The following GABRA3 variants were observed in gnomAD, a reference collection of about 807,000 sequenced individuals.
GABRA3 encodes gamma-aminobutyric acid type A receptor subunit alpha3.
In GABRA3, 10 loss-of-function variants were observed where a neutral mutation model predicts 30.1. The observed-to-expected ratio is 0.33, with a 90% CI of 0.20 to 0.56. GABRA3 has a LOEUF of 0.56. GABRA3 is among the 20% of genes least tolerant of loss of function. The pLI is 0.89. For synonymous variants in GABRA3, 151 were observed against 146.8 expected (o/e 1.03, Z -0.21); for missense variants, 233 against 392.0 (o/e 0.59, Z 3.42).
chrX:152,415,308 A>G (rs758797620), intron 1 of GABRA3, among the ~76,000 whole-genome samples: 59 of 111,279 alleles, frequency 5.3e-4, no homozygotes, highest in African/African-American at 1.9e-3. Flanking sequence ...TTTTCTGTAA[A>G]CCTAAAACTA....
At chrX:152,184,732 TCTGA>T (rs1293853073) in intron 9 of GABRA3, among the ~76,000 whole-genome samples, 1 of 111,651 alleles carries the variant, frequency 9.0e-6, no homozygotes, top group Non-Finnish European at 1.9e-5. Flanking sequence ...ATATCTCTTG[TCTGA>T]CTGACATCCC....
chrX:152,231,562 A>G (rs1938081172), intron 5 of GABRA3, among the ~76,000 whole-genome samples: 1 of 111,336 alleles, frequency 9.0e-6, no homozygotes, highest in African/African-American at 3.2e-5. Context: ...ATTATGGTGG[A>G]TGGAAATCAC....
chrX:152,296,400 C>T (rs984568323), intron 3 of GABRA3, among the ~76,000 whole-genome samples: 1 of 111,929 alleles, frequency 8.9e-6, no homozygotes, highest in Non-Finnish European at 1.9e-5. Flanking sequence ...TATAAGTACT[C>T]ATTAATTTCC....
chrX:152,417,468 G>A (rs1034095375), intron 1 of GABRA3, among the ~76,000 whole-genome samples: 1 of 108,765 alleles, frequency 9.2e-6, no homozygotes. Context: ...TCAGTGTGGC[G>A]ATTCCTCAGG....
At chrX:152,366,607 A>G (rs1928667757) in intron 1 of GABRA3, among the ~76,000 whole-genome samples, 1 of 112,526 alleles carries the variant, frequency 8.9e-6, no homozygotes, top group Non-Finnish European at 1.9e-5. Flanking sequence ...TACATAAAAA[A>G]GACAACAGCA....
intron 4 of GABRA3, among the ~76,000 whole-genome samples, chrX:152,272,287 C>G (rs191333075): frequency 1.8e-5 from 2 of 112,468 alleles, no homozygotes; most frequent in African/African-American, 6.5e-5. Context: ...GGGAGCCCAC[C>G]TCTTGCATCG....
intron 1 of GABRA3, among the ~76,000 whole-genome samples, chrX:152,447,385 G>A (rs974028535): frequency 1.8e-5 from 2 of 111,713 alleles, no homozygotes; most frequent in Non-Finnish European, 3.8e-5. Context: ...AAGTAGTCAA[G>A]TTGGCTTTCT....
At chrX:152,251,091 G>T in intron 5 of GABRA3, 1 of 327,863 alleles carries the variant, frequency 3.1e-6, no homozygotes, top group Non-Finnish European at 6.0e-6. Flanking sequence ...TCTCCCTCCA[G>T]GCCCACCTTC....
chrX:152,168,059 T>C lies in GABRA3; in HGVS notation c.*169A>G. 1 of 452,093 alleles carries C rather than the reference T, an allele frequency of 2.2e-6. No individual in the cohort carries two copies. Among genetic ancestry groups the C allele is most frequent in the African/African-American group, 2.4e-5 (1 of 41,229 alleles). The allele number at this position is 452,093 out of a possible 1,213,427, so 37.3% of individuals were successfully genotyped here. On this transcript the variant is annotated 3_prime_UTR_variant, in exon 10 of 10. Transcript: ENST00000370314. ...CAATATTGGAGGGACAAGTAATTTTTCTGTAGTTATTTTTTGCGTAGAGAT... is the reference window on the plus strand; with the variant it reads ...CAATATTGGAGGGACAAGTAATTTTCCTGTAGTTATTTTTTGCGTAGAGAT...
chrX:152,175,918 GCCAAGC>G (rs1274049751), intron 9 of GABRA3, among the ~76,000 whole-genome samples: 3 of 109,334 alleles, frequency 2.7e-5, no homozygotes, highest in Non-Finnish European at 5.7e-5. Context: ...CAAAAAATTA[GCCAAGC>G]ATGGTGGTAC....
rs1231215388 is a variant in GABRA3 at position 152,303,830 on chromosome X, G to C, written c.263-19095C>G. ...CTGTCAGGGGGTGGGGGCCAACGGG[G>C]GGAGAGCATTAGGACAAACACCTAA... On this transcript the variant is annotated intron_variant, in intron 3 of 9. Transcript: ENST00000370314. Among the ~76,000 whole-genome samples, 3 of 110,351 alleles carry C rather than the reference G, an allele frequency of 2.7e-5. No individual in the cohort carries two copies. The Admixed American group carries it at 2.9e-4, about 11-fold the overall frequency.
intron 3 of GABRA3, among the ~76,000 whole-genome samples, chrX:152,321,334 C>A (rs961594839): frequency 9.0e-6 from 1 of 111,661 alleles, no homozygotes; most frequent in Non-Finnish European, 1.9e-5. Context: ...TGGGTAAAGT[C>A]CAAGAATCAG....
At chrX:152,389,831 C>T (rs1434599859) in intron 1 of GABRA3, among the ~76,000 whole-genome samples, 1 of 110,641 alleles carries the variant, frequency 9.0e-6, no homozygotes, top group Non-Finnish European at 1.9e-5. Flanking sequence ...CAGAAGATGG[C>T]ATTTTCGGTG....
intron 4 of GABRA3, among the ~76,000 whole-genome samples, chrX:152,259,916 T>C (rs968218104): frequency 1.8e-5 from 2 of 110,150 alleles, no homozygotes; most frequent in Non-Finnish European, 3.8e-5. Flanking sequence ...TTCAGTGTGT[T>C]AGAGCATCAA....
intron 1 of GABRA3, among the ~76,000 whole-genome samples, chrX:152,366,409 T>C (rs1453989336): frequency 9.0e-6 from 1 of 111,630 alleles, no homozygotes; most frequent in Non-Finnish European, 1.9e-5. Flanking sequence ...TAGGAGAAGA[T>C]GGCCATGCTG....
chrX:152,317,680 C>T (rs1251004576), intron 3 of GABRA3, among the ~76,000 whole-genome samples: 6 of 111,884 alleles, frequency 5.4e-5, no homozygotes, highest in African/African-American at 1.9e-4. Context: ...CAAAACCATG[C>T]TAATACATGG....
intron 5 of GABRA3, among the ~76,000 whole-genome samples, chrX:152,247,942 G>A (rs1348934040): frequency 9.0e-6 from 1 of 111,101 alleles, no homozygotes; most frequent in Non-Finnish European, 1.9e-5. Context: ...TTTTGTTGTG[G>A]TGGTTGTTGT....
chrX:152,287,628 T>C (rs1192307821), intron 3 of GABRA3, among the ~76,000 whole-genome samples: 1 of 111,458 alleles, frequency 9.0e-6, no homozygotes, highest in Non-Finnish European at 1.9e-5. Context: ...CATAGCAGCG[T>C]AAGAACGGAT....
chrX:152,315,418 A>G (rs1354174427), intron 3 of GABRA3, among the ~76,000 whole-genome samples: 1 of 111,425 alleles, frequency 9.0e-6, no homozygotes, highest in South Asian at 3.8e-4. Context: ...GGGCTGCCAG[A>G]GAAATTGGGA....
Sources: allele counts gnomAD v4.1 joint callset (sites outside exome capture counted in the v4.1 genomes callset), GRCh38; gene constraint gnomAD v4.1.1; transcripts MANE v1.5; gene names NCBI Gene and HGNC (gene_info 2026-07-23, HGNC 2026-07-21).